SGCZ: variants seen among roughly 807,000 people sequenced by gnomAD.
SGCZ encodes sarcoglycan zeta.
SGCZ carries 40 observed loss-of-function variants against 41.3 expected under a neutral mutation model. The observed-to-expected ratio is 0.97, with a 90% confidence interval of 0.75 to 1.26. The LOEUF (loss-of-function observed/expected upper bound fraction) is 1.26. SGCZ is among the 50% of genes most tolerant of loss of function. The pLI is 0.00. For synonymous variants in SGCZ, 206 were observed against 137.5 expected (o/e 1.50, Z -3.49); for missense variants, 552 against 369.8 (o/e 1.49, Z -4.04).
chr8:14,308,794 A>G (rs914760984), intron 3 of SGCZ, among the ~76,000 whole-genome samples: 2 of 152,146 alleles, frequency 1.3e-5, no homozygotes, highest in Non-Finnish European at 2.9e-5. Context: ...CAGAAATATC[A>G]GAAACAGTGA....
chr8:15,022,061 A>G (rs1803271939), intron 1 of SGCZ, among the ~76,000 whole-genome samples: 1 of 152,206 alleles, frequency 6.6e-6, no homozygotes, highest in Non-Finnish European at 1.5e-5. Flanking sequence ...CTGGTACTGC[A>G]CATGCAATCA....
intron 2 of SGCZ, among the ~76,000 whole-genome samples, chr8:14,527,773 T>C (rs914521202): frequency 3.9e-5 from 6 of 152,144 alleles, no homozygotes; most frequent in African/African-American, 1.2e-4. Context: ...GATTAGAGTA[T>C]ATTTCTTCAT....
chr8:14,956,542 A>T (rs540068159), intron 1 of SGCZ, among the ~76,000 whole-genome samples: 51 of 152,306 alleles, frequency 3.3e-4, no homozygotes, highest in African/African-American at 1.2e-3. Context: ...TTTCATGCAC[A>T]GAATCTCGGT....
At chr8:14,759,636 C>T (rs1444640960) in intron 1 of SGCZ, among the ~76,000 whole-genome samples, 1 of 152,144 alleles carries the variant, frequency 6.6e-6, no homozygotes, top group Non-Finnish European at 1.5e-5. Context: ...TTGTATCATA[C>T]TGACAGATCT....
intron 3 of SGCZ, among the ~76,000 whole-genome samples, chr8:14,280,931 G>A (rs1040674764): frequency 1.9e-5 from 2 of 104,132 alleles, no homozygotes; most frequent in East Asian, 2.7e-4. Context: ...TCAAACTACC[G>A]GGTGAATAAA....
Position 14,454,053 on chromosome 8 carries a change from G to T in SGCZ, c.234+100679C>A, listed in dbSNP as rs549650316. Among the ~76,000 whole-genome samples, 18 of 152,206 alleles carry T rather than the reference G, an allele frequency of 1.2e-4. 1 individual carries two copies. The highest frequency in any genetic ancestry group is 4.3e-4 in the African/African-American group (18 of 41,536). ...ACAGACACTACCCCAAAAGGATATT[G>T]ACCTTCCAGTTGCTATCTACGATGA... On this transcript the variant is annotated intron_variant, in intron 2 of 7. Transcript: ENST00000382080.
At chr8:14,892,242 T>C (rs933626643) in intron 1 of SGCZ, among the ~76,000 whole-genome samples, 12 of 152,176 alleles carry the variant, frequency 7.9e-5, no homozygotes, top group African/African-American at 2.7e-4. Context: ...GGCCTTCAGG[T>C]AATGTAACAT....
chr8:14,759,332 G>C (rs1799782955), intron 1 of SGCZ, among the ~76,000 whole-genome samples: 1 of 129,572 alleles, frequency 7.7e-6, no homozygotes, highest in Admixed American at 8.8e-5. Flanking sequence ...TTTAAAAATA[G>C]TTTTAGCCTC....
intron 2 of SGCZ, among the ~76,000 whole-genome samples, chr8:14,534,146 T>C (rs1406301213): frequency 6.6e-6 from 1 of 151,934 alleles, no homozygotes; most frequent in Non-Finnish European, 1.5e-5. Context: ...AAACTGGAGC[T>C]GAAGTGTTGA....
chr8:14,353,834 G>T (rs1330593688), intron 2 of SGCZ, among the ~76,000 whole-genome samples: 9 of 151,880 alleles, frequency 5.9e-5, no homozygotes, highest in Non-Finnish European at 2.9e-5. Flanking sequence ...TTTTAAAGAT[G>T]AAAAAAATCA....
At chr8:14,433,378 A>G (rs557763967) in intron 2 of SGCZ, among the ~76,000 whole-genome samples, 1 of 152,356 alleles carries the variant, frequency 6.6e-6, no homozygotes, top group African/African-American at 2.4e-5. Flanking sequence ...GCCTTTCAGT[A>G]GGAACCACCA....
At chr8:14,578,041 C>G (rs979157085) in intron 1 of SGCZ, among the ~76,000 whole-genome samples, 1 of 152,300 alleles carries the variant, frequency 6.6e-6, no homozygotes, top group South Asian at 2.1e-4. Flanking sequence ...CGGACTTTCA[C>G]AATCCTTGTG....
chr8:14,676,345 G>GTGTGTGTGTGTGTGTGT (rs1808277103), intron 1 of SGCZ, among the ~76,000 whole-genome samples: 1 of 57,902 alleles, frequency 1.7e-5, no homozygotes, highest in Admixed American at 2.3e-4. Context: ...AAATGAAATA[G>GTGTGTGTGTGTGTGTGT]ATGTGTGTGT....
In SGCZ at chr8:14,857,477, C is replaced by T. The variant is rs183054943; in HGVS notation, c.40-302551G>A. On this transcript the variant is annotated intron_variant, in intron 1 of 7. Coordinates refer to ENST00000382080, the MANE Select transcript of SGCZ (RefSeq NM_139167.4). ...TTTCACACTGCTAAAATTATTTTTACAAGACTAGTATTAAAACTATTATTT... is the reference window on the plus strand; with the variant it reads ...TTTCACACTGCTAAAATTATTTTTATAAGACTAGTATTAAAACTATTATTT... Among the ~76,000 whole-genome samples the T allele has an allele frequency of 4.1e-3, 623 of 152,242 alleles. 4 individuals are homozygous for T. Among genetic ancestry groups the T allele is most frequent in the South Asian group, 0.018 (88 of 4,820 alleles).
At chr8:15,139,395 T>C (rs762588109) in intron 1 of SGCZ, among the ~76,000 whole-genome samples, 14 of 152,196 alleles carry the variant, frequency 9.2e-5, no homozygotes, top group Non-Finnish European at 1.6e-4. Flanking sequence ...TGGGACTTAA[T>C]AAACATAGTA....
chr8:15,218,902 C>T (rs1801502166), intron 1 of SGCZ, among the ~76,000 whole-genome samples: 1 of 152,170 alleles, frequency 6.6e-6, no homozygotes, highest in Non-Finnish European at 1.5e-5. Flanking sequence ...CCCAAGGTCA[C>T]ACAGCCCACA....
At position 14,687,135 on chromosome 8, in the gene SGCZ, T is replaced by A. The variant is rs917919620; in HGVS notation, c.40-132209A>T. Reference sequence around the variant, plus strand: ...ATTATGAAACCTTAACAACAGTTCATTTCCCAAGGCTTTTACTCACTTTAA... The same window carrying A: ...ATTATGAAACCTTAACAACAGTTCAATTCCCAAGGCTTTTACTCACTTTAA... On this transcript the variant is annotated intron_variant, in intron 1 of 7. Coordinates refer to ENST00000382080, the MANE Select transcript of SGCZ (RefSeq NM_139167.4). Among the ~76,000 whole-genome samples, 9 of 149,300 alleles carry A rather than the reference T, an allele frequency of 6.0e-5. No homozygotes were observed. In the South Asian group the frequency reaches 6.3e-4, roughly 10 times the overall value.
intron 1 of SGCZ, among the ~76,000 whole-genome samples, chr8:15,109,751 T>G (rs923400502): frequency 6.6e-6 from 1 of 152,156 alleles, no homozygotes; most frequent in African/African-American, 2.4e-5. Flanking sequence ...TAAGGCTACA[T>G]AGTTTTGTGA....
intron 1 of SGCZ, among the ~76,000 whole-genome samples, chr8:15,189,629 C>T (rs1448851181): frequency 6.6e-6 from 1 of 151,818 alleles, no homozygotes; most frequent in Non-Finnish European, 1.5e-5. Context: ...GGCACAATCT[C>T]AGAGCCCAGC....
Sources: gnomAD v4.1 joint callset for allele counts (sites outside exome capture counted in the v4.1 genomes callset) on GRCh38, gnomAD v4.1.1 for gene constraint, MANE v1.5 for transcripts, NCBI Gene and HGNC (gene_info 2026-07-23, HGNC 2026-07-21) for gene names.